The following MBNL2 variants were observed in gnomAD, a reference collection of about 807,000 sequenced individuals.
The protein encoded by MBNL2 is muscleblind-like protein 2.
Under a neutral mutation model 41.9 loss-of-function variants are expected in MBNL2, and 17 were observed. That is an observed-to-expected ratio of 0.41 (90% confidence interval 0.28 to 0.61). The LOEUF (loss-of-function observed/expected upper bound fraction) is 0.61. Among genes scored for constraint, MBNL2 ranks in the 20% least tolerant of loss-of-function variants. The pLI is 0.35. For missense variants in MBNL2, 336 were observed against 505.6 expected (o/e 0.66, Z 3.22); for synonymous variants, 195 against 182.9 (o/e 1.07, Z -0.53).
the MBNL2 span, among the ~76,000 whole-genome samples, chr13:97,156,969 G>A: frequency 6.6e-6 from 1 of 151,048 alleles, no homozygotes; most frequent in Non-Finnish European, 1.5e-5. Context: ...CATTGAGTCT[G>A]TAAATTACCT....
Position 97,346,932 on chromosome 13 carries a change from G to A in MBNL2, c.669G>A (p.Lys223=). ...TAACCGTTTGTATGGATTACATAAA[G>A]GGGCGTTGCATGAGGGAGAAATGCA... ...NTVTVCMDYI[K]GRCMREKCKY... The change falls in exon 5 of 9, where the codon AAG becomes AAA. Residue 223 remains lysine (K), a synonymous_variant. Coordinates refer to ENST00000679496, the MANE Select transcript of MBNL2 (RefSeq NM_001382683.1). This position sits in a 1 kb window ranked among gnomAD's most constrained non-coding sequence, Gnocchi z 4.2. 6.2e-7 allele frequency: 1 copy of A among 1,614,148 alleles called. No individual in the cohort carries two copies. The highest frequency in any genetic ancestry group is 8.5e-7 in the Non-Finnish European group (1 of 1,179,982).
intron 1 of MBNL2, among the ~76,000 whole-genome samples, chr13:97,265,201 G>T (rs2049490843): frequency 2.0e-5 from 3 of 152,074 alleles, no homozygotes; most frequent in Non-Finnish European, 4.4e-5. Flanking sequence ...GGAAATTTTT[G>T]CATGTTAAAA....
At chr13:97,361,387 A>T (rs2063379200) in intron 7 of MBNL2, among the ~76,000 whole-genome samples, 1 of 152,256 alleles carries the variant, frequency 6.6e-6, no homozygotes, top group Non-Finnish European at 1.5e-5. Context: ...CATGAAGTAC[A>T]TACAGGGTAT....
intron 1 of MBNL2, among the ~76,000 whole-genome samples, chr13:97,234,726 A>G (rs777566497): frequency 1.3e-5 from 2 of 152,222 alleles, no homozygotes; most frequent in Non-Finnish European, 2.9e-5. Context: ...AGATTGAGGT[A>G]TTTCTTCACA....
At chr13:97,306,624 T>G (rs2058151795) in intron 2 of MBNL2, among the ~76,000 whole-genome samples, 2 of 152,240 alleles carry the variant, frequency 1.3e-5, no homozygotes, top group Non-Finnish European at 2.9e-5. Context: ...ATGGGAAACT[T>G]ACCCCTTGGT....
At chr13:97,299,921 A>ATAT (rs2057450190) in intron 2 of MBNL2, among the ~76,000 whole-genome samples, 1 of 152,158 alleles carries the variant, frequency 6.6e-6, no homozygotes, top group Non-Finnish European at 1.5e-5. Flanking sequence ...GGCCTAAACC[A>ATAT]GTGAGCAAAA....
chr13:97,337,575 G>T (rs988878558), intron 3 of MBNL2, among the ~76,000 whole-genome samples: 1 of 152,236 alleles, frequency 6.6e-6, no homozygotes, highest in South Asian at 2.1e-4. Context: ...ACCCCCAAAA[G>T]TATGCATCCA....
chr13:97,322,209 T>C (rs906906019), intron 2 of MBNL2, among the ~76,000 whole-genome samples: 1 of 152,156 alleles, frequency 6.6e-6, no homozygotes, highest in Non-Finnish European at 1.5e-5. Context: ...CTGCTCTGCA[T>C]AGCCTTCCCC....
chr13:97,301,875 G>GGACATAGGGCA (rs1039896395), intron 2 of MBNL2, among the ~76,000 whole-genome samples: 3 of 152,180 alleles, frequency 2.0e-5, no homozygotes, highest in African/African-American at 7.2e-5. Flanking sequence ...ATGGTCACTA[G>GGACATAGGGCA]GACATAGGGC....
the MBNL2 span, among the ~76,000 whole-genome samples, chr13:97,150,042 C>T: frequency 1.3e-5 from 2 of 152,232 alleles, no homozygotes; most frequent in African/African-American, 2.4e-5. Flanking sequence ...CCTGCAGCAA[C>T]AGGCGTGCTT....
chr13:97,379,044 G>C (rs1387072624), intron 8 of MBNL2, among the ~76,000 whole-genome samples: 1 of 152,200 alleles, frequency 6.6e-6, no homozygotes, highest in East Asian at 1.9e-4. Context: ...GTTTGAATTA[G>C]ATTGGAATCT....
At chr13:97,175,657 C>G in the MBNL2 span, among the ~76,000 whole-genome samples, 1 of 152,166 alleles carries the variant, frequency 6.6e-6, no homozygotes, top group Admixed American at 6.5e-5. Context: ...ATGCCCCCAA[C>G]AAGAGCAGAG....
At position 97,248,204 on chromosome 13, in the gene MBNL2, C is replaced by T. The variant is rs199516566; in HGVS notation, c.-605+25673C>T. Among the ~76,000 whole-genome samples the T allele has an allele frequency of 2.3e-4, 35 of 152,342 alleles. No individual in the cohort carries two copies. The East Asian group carries it at 6.2e-3, about 27-fold the overall frequency. ...CTGGGGTGCAGTGGTGCGATCTCGC[C>T]TCCACCTCCTGGGTTCAAGCGATTC... On this transcript the variant is annotated intron_variant, in intron 1 of 8. Coordinates refer to ENST00000679496, the MANE Select transcript of MBNL2 (RefSeq NM_001382683.1).
the MBNL2 span, among the ~76,000 whole-genome samples, chr13:97,187,609 A>AAAAAAAC: frequency 6.8e-6 from 1 of 147,892 alleles, no homozygotes; most frequent in Non-Finnish European, 1.5e-5. Context: ...AAAAAAAAAA[A>AAAAAAAC]AAAAAAAAAA....
intron 3 of MBNL2, among the ~76,000 whole-genome samples, chr13:97,338,418 C>T (rs1029844033): frequency 6.6e-6 from 1 of 152,152 alleles, no homozygotes; most frequent in Admixed American, 6.5e-5. Flanking sequence ...TTTCTTCTTT[C>T]TCATTAGGGC....
chr13:97,334,467 G>C lies in MBNL2; in HGVS notation c.339+27G>C. The C allele has an allele frequency of 6.4e-7, 1 of 1,571,444 alleles. No individual in the cohort carries two copies. Among genetic ancestry groups the C allele is most frequent in the Non-Finnish European group, 8.7e-7 (1 of 1,153,312 alleles). On this transcript the variant is annotated intron_variant, in intron 3 of 8. Transcript: ENST00000679496. The surrounding 1 kb of genome is among the most constrained non-coding windows in gnomAD (Gnocchi z 5.3). The stretch of plus-strand genomic sequence containing the variant: ...TGAGTACATCTTTATTCAGTGATGA[G>C]TTGGATGGTTACAGTGTTGGTATGG...
At chr13:97,159,677 A>C in the MBNL2 span, among the ~76,000 whole-genome samples, 5 of 150,210 alleles carry the variant, frequency 3.3e-5, no homozygotes, top group Admixed American at 6.6e-5. Flanking sequence ...GCTGGATATG[A>C]AATTCTGGGT....
At chr13:97,241,984 G>A (rs1423630655) in intron 1 of MBNL2, among the ~76,000 whole-genome samples, 3 of 152,122 alleles carry the variant, frequency 2.0e-5, no homozygotes, top group Non-Finnish European at 2.9e-5. Context: ...GTGCACACAT[G>A]GGGTTCCTCC....
rs117913199 is a variant in MBNL2 at position 97,253,231 on chromosome 13, T to A, written c.-604-22401T>A. Among the ~76,000 whole-genome samples the A allele has an allele frequency of 9.8e-5, 15 of 152,330 alleles. No individual in the cohort carries two copies. The East Asian group carries it at 2.5e-3, about 25-fold the overall frequency. ...ATAAAGATAACCAACTTGGTTTGCT[T>A]TGTTTCATCTATCCATCCATATATC... On this transcript the variant is annotated intron_variant, in intron 1 of 8. Transcript: ENST00000679496.
Sources: allele counts gnomAD v4.1 joint callset (sites outside exome capture counted in the v4.1 genomes callset), GRCh38; gene constraint gnomAD v4.1.1; non-coding constraint Gnocchi (gnomAD v3.1); transcripts MANE v1.5; gene names NCBI Gene and HGNC (gene_info 2026-07-23, HGNC 2026-07-21).